Variants in TMEM263 observed in about 807,000 individuals in gnomAD.
TMEM263 encodes the protein transmembrane protein 263, also known as UPF0444 transmembrane protein C12orf23.
In TMEM263, 5 loss-of-function variants were observed where a neutral mutation model predicts 8.6. The ratio of observed to expected loss-of-function variants is 0.58; its 90% confidence interval spans 0.31 to 1.23. The LOEUF (loss-of-function observed/expected upper bound fraction) is 1.23. TMEM263 is among the 50% of genes most tolerant of loss of function. TMEM263 has a pLI of 0.07. For synonymous variants in TMEM263, 50 were observed against 47.9 expected, an observed-to-expected ratio of 1.04 and a Z score of -0.18; for missense variants, 104 against 138.8, an observed-to-expected ratio of 0.75 and a Z score of 1.26.
rs751191635 is a variant in TMEM263, at chr12:106,971,370, GAAGA to G, written c.335_338del (p.Lys112ThrfsTer7). On this transcript the variant is annotated frameshift_variant, in exon 4 of 4. Transcript: ENST00000280756. LOFTEE classifies it high-confidence loss of function. ...TAAACAAAGTGCCCTTAACAGGAAA[GAAGA>G]AAGACAAATCTGACTGAAATATAGA... 1 of 1,609,534 alleles carries G rather than the reference GAAGA, an allele frequency of 6.2e-7. No individual in the cohort carries two copies. Among genetic ancestry groups the G allele is most frequent in the Admixed American group, 1.7e-5 (1 of 59,614 alleles).
chr12:106,963,903 C>T (rs775042316), intron 2 of TMEM263, among the ~76,000 whole-genome samples: 11 of 152,068 alleles, frequency 7.2e-5, no homozygotes, highest in Admixed American at 5.2e-4. Flanking sequence ...GAAATATATG[C>T]GGTTACAGTC....
chr12:106,957,243 T>C, intron 2 of TMEM263, 94 bp downstream of exon 2: 1 of 886,462 alleles, frequency 1.1e-6, no homozygotes, highest in Non-Finnish European at 1.4e-6. Flanking sequence ...CATGCTTAAC[T>C]TTTTAAAAAG....
intron 1 of TMEM263, 127 bp downstream of exon 1, chr12:106,956,192 G>C: frequency 2.5e-6 from 1 of 397,236 alleles, no homozygotes; most frequent in Non-Finnish European, 3.4e-6. Flanking sequence ...GCGGGGCCTT[G>C]GCGAGGCCCC....
At chr12:106,967,066 CAT>C (rs1566224987) in intron 2 of TMEM263, 43 bp from the exon 3 acceptor site, 1 of 1,271,228 alleles carries the variant, frequency 7.9e-7, no homozygotes, top group East Asian at 2.4e-5. Flanking sequence ...GGTAGTCTCA[CAT>C]GTTGAGGTTA....
At chr12:106,963,184 T>G (rs1032313053) in intron 2 of TMEM263, among the ~76,000 whole-genome samples, 2 of 152,088 alleles carry the variant, frequency 1.3e-5, no homozygotes, top group Admixed American at 6.6e-5. Flanking sequence ...GAGATGGCGG[T>G]TAAGTATTTG....
rs1342782791 is a variant in TMEM263, at chr12:106,956,045, G to C, written c.-95G>C. 1.0e-6 allele frequency: 1 copy of C among 985,440 alleles called. No individual in the cohort carries two copies. Among genetic ancestry groups the C allele is most frequent in the Non-Finnish European group, 1.2e-6 (1 of 830,062 alleles). The allele number at this position is 985,440 out of a possible 1,614,324, so 61.0% of individuals were successfully genotyped here. A position where few individuals can be genotyped will look rare whatever the true frequency, so the allele number is the denominator to read the frequency against. ...CTCACTCCGCCCGGCCCCAGCCCTA[G>C]CGCTGGCCGCGACCCCGGCGGTGAG... On this transcript the variant is annotated 5_prime_UTR_variant, in exon 1 of 4. Coordinates refer to ENST00000280756, the MANE Select transcript of TMEM263 (RefSeq NM_152261.4).
intron 2 of TMEM263, among the ~76,000 whole-genome samples, chr12:106,965,298 TATC>T (rs1951829558): frequency 6.6e-6 from 1 of 152,102 alleles, no homozygotes; most frequent in Non-Finnish European, 1.5e-5. Context: ...CTATCTAAAA[TATC>T]ATATCCTCTC....
At chr12:106,965,783 C>T (rs1209108623) in intron 2 of TMEM263, among the ~76,000 whole-genome samples, 1 of 151,708 alleles carries the variant, frequency 6.6e-6, no homozygotes, top group Non-Finnish European at 1.5e-5. Context: ...TTTTTTCCAT[C>T]TGTATTGATA....
At chr12:106,965,963 A>C (rs1951840331) in intron 2 of TMEM263, among the ~76,000 whole-genome samples, 1 of 152,070 alleles carries the variant, frequency 6.6e-6, no homozygotes, top group Non-Finnish European at 1.5e-5. Context: ...TTTCTCAGAT[A>C]GAACACCTTA....
At chr12:106,965,015 C>G (rs1211022271) in intron 2 of TMEM263, among the ~76,000 whole-genome samples, 1 of 152,154 alleles carries the variant, frequency 6.6e-6, no homozygotes, top group African/African-American at 2.4e-5. Context: ...GTGCCTTTTA[C>G]TAGTTTCCCA....
intron 3 of TMEM263, among the ~76,000 whole-genome samples, chr12:106,970,143 G>C (rs981164243): frequency 2.6e-5 from 4 of 152,062 alleles, no homozygotes; most frequent in Non-Finnish European, 4.4e-5. Flanking sequence ...CATAGTATTA[G>C]CTCTTTAAAT....
intron 2 of TMEM263, among the ~76,000 whole-genome samples, chr12:106,957,926 CAT>C (rs1951722472): frequency 6.6e-6 from 1 of 152,162 alleles, no homozygotes; most frequent in Non-Finnish European, 1.5e-5. Context: ...ACTAGAAAAA[CAT>C]AAAAACAGTA....
intron 2 of TMEM263, 136 bp from the exon 3 acceptor site, chr12:106,966,975 T>G (rs1313788519): frequency 1.6e-6 from 1 of 611,840 alleles, no homozygotes; most frequent in East Asian, 3.1e-5. Context: ...AGAAACAAGA[T>G]GAAGACTAGT....
chr12:106,955,951 C>G lies in TMEM263; in HGVS notation c.-189C>G. 3 of 986,298 alleles carry G rather than the reference C, an allele frequency of 3.0e-6. No homozygotes were observed. The highest frequency in any genetic ancestry group is 3.6e-6 in the Non-Finnish European group (3 of 830,742). The allele number at this position is 986,298 out of a possible 1,614,324, so 61.1% of individuals were successfully genotyped here. ...TCCTGAGAGGACGCCTCTGGAGCCG[C>G]GACTGCCCGGGGTTGTGCCGGCCGC... On this transcript the variant is annotated 5_prime_UTR_variant, in exon 1 of 4. Transcript: ENST00000280756.
chr12:106,966,929 A>G, intron 2 of TMEM263, 182 bp from the exon 3 acceptor site: 1 of 537,788 alleles, frequency 1.9e-6, no homozygotes, highest in Non-Finnish European at 3.2e-6. Flanking sequence ...GGTATAATTT[A>G]AAGTATTTAT....
intron 2 of TMEM263, among the ~76,000 whole-genome samples, chr12:106,959,919 TTTAA>T (rs139331031): frequency 0.046 from 6,986 of 152,296 alleles, 192 homozygotes; most frequent in African/African-American, 0.085. Context: ...CTTGTGGCTT[TTTAA>T]TTAATTAAAA....
At chr12:106,965,734 C>T (rs1364265112) in intron 2 of TMEM263, among the ~76,000 whole-genome samples, 1 of 151,856 alleles carries the variant, frequency 6.6e-6, no homozygotes, top group Non-Finnish European at 1.5e-5. Context: ...TTATTTATTG[C>T]CTTTCCCCAT....
At chr12:106,965,970 C>T (rs553494722) in intron 2 of TMEM263, among the ~76,000 whole-genome samples, 2 of 151,964 alleles carry the variant, frequency 1.3e-5, no homozygotes, top group South Asian at 4.2e-4. Context: ...GATAGAACAC[C>T]TTAGTATTTA....
At chr12:106,960,932 AC>A (rs1951765066) in intron 2 of TMEM263, among the ~76,000 whole-genome samples, 1 of 151,790 alleles carries the variant, frequency 6.6e-6, no homozygotes, top group Admixed American at 6.6e-5. Flanking sequence ...TTTTTTTTAA[AC>A]CCCAAATTTG....
Sources: gnomAD v4.1 joint callset for allele counts (sites outside exome capture counted in the v4.1 genomes callset) on GRCh38, gnomAD v4.1.1 for gene constraint, MANE v1.5 for transcripts, NCBI Gene and HGNC (gene_info 2026-07-23, HGNC 2026-07-21) for gene names.